REL: variants seen among roughly 807,000 people sequenced by gnomAD.
The protein encoded by REL is REL proto-oncogene, NF-kB subunit.
A neutral mutation model predicts 45.9 loss-of-function variants in REL; 15 were observed. The observed-to-expected ratio is 0.33, with a 90% CI of 0.22 to 0.50. The LOEUF (loss-of-function observed/expected upper bound fraction) is 0.50, where lower values mean the gene tolerates loss of function less well. Ranked by LOEUF, REL falls within the 20% of genes least tolerant of loss-of-function variation. REL has a pLI of 0.98. For synonymous variants in REL, 239 were observed against 242.1 expected (o/e 0.99, Z 0.12); for missense variants, 601 against 715.2 (o/e 0.84, Z 1.82).
At chr2:60,906,833 G>GTA (rs1272693634) in intron 4 of REL, among the ~76,000 whole-genome samples, 102 of 147,148 alleles carry the variant, frequency 6.9e-4, no homozygotes, top group African/African-American at 1.9e-3. Context: ...GTGTGTGTGT[G>GTA]TATATATATA....
chr2:60,900,869 G>A, intron 3 of REL, 123 bp from the exon 4 acceptor site: 1 of 793,748 alleles, frequency 1.3e-6, no homozygotes, highest in Non-Finnish European at 2.0e-6. Flanking sequence ...GCAATTGGAA[G>A]CACGTTCATG....
At chr2:60,892,534 T>C (rs1252617502) in intron 2 of REL, among the ~76,000 whole-genome samples, 1 of 151,992 alleles carries the variant, frequency 6.6e-6, no homozygotes, top group Non-Finnish European at 1.5e-5. Flanking sequence ...GTTCAAGTGA[T>C]TCTCCTGCCT....
chr2:60,909,248 A>G (rs1184266817), intron 4 of REL, among the ~76,000 whole-genome samples: 2 of 152,216 alleles, frequency 1.3e-5, no homozygotes, highest in Non-Finnish European at 2.9e-5. Flanking sequence ...ATAGATACTC[A>G]ATAAGTATGT....
intron 5 of REL, among the ~76,000 whole-genome samples, chr2:60,917,367 TC>T (rs1674003346): frequency 6.6e-6 from 1 of 152,174 alleles, no homozygotes; most frequent in South Asian, 2.1e-4. Flanking sequence ...TTCCTTTTAA[TC>T]ACCTTATTCT....
Position 60,920,497 on chromosome 2 carries a change from G to A in REL, c.923-77G>A, listed in dbSNP as rs552424664. 4.3e-5 allele frequency: 50 copies of A among 1,151,672 alleles called. No individual in the cohort carries two copies. Among genetic ancestry groups the A allele is most frequent in the East Asian group, 1.9e-4 (8 of 42,354 alleles). The allele number at this position is 1,151,672 out of a possible 1,614,324, so 71.3% of individuals were successfully genotyped here. ...ATTACAGGTGGGAGCCACCACGCCC[G>A]GCCAGTTTTTCAGATTTTAACTGAT... On this transcript the variant is annotated intron_variant, in intron 8 of 9. Coordinates refer to ENST00000394479, the MANE Select transcript of REL (RefSeq NM_001291746.2).
chr2:60,900,117 C>T (rs1483356525), intron 3 of REL: 1 of 152,188 alleles, frequency 6.6e-6, no homozygotes, highest in East Asian at 1.9e-4. Context: ...GGCTTAGTCC[C>T]TAGCCTGTTG....
intron 4 of REL, among the ~76,000 whole-genome samples, chr2:60,913,031 A>G (rs1673862242): frequency 6.6e-6 from 1 of 152,202 alleles, no homozygotes; most frequent in Non-Finnish European, 1.5e-5. Flanking sequence ...TGAGGTATAA[A>G]AAGACAAGAC....
intron 7 of REL, among the ~76,000 whole-genome samples, chr2:60,919,717 G>A (rs560220866): frequency 2.6e-5 from 4 of 151,904 alleles, no homozygotes; most frequent in East Asian, 3.9e-4. Flanking sequence ...GAGCCACTGC[G>A]CCTGGCCAAT....
intron 4 of REL, among the ~76,000 whole-genome samples, chr2:60,901,942 G>C (rs542498143): frequency 6.6e-6 from 1 of 152,094 alleles, no homozygotes; most frequent in African/African-American, 2.4e-5. Context: ...GCCTCATGCT[G>C]TAAGTATAAA....
chr2:60,916,009 A>G (rs552088125), intron 4 of REL, among the ~76,000 whole-genome samples: 2 of 152,274 alleles, frequency 1.3e-5, no homozygotes, highest in African/African-American at 2.4e-5. Flanking sequence ...CACATGTACA[A>G]TTTTCTAATA....
At chr2:60,883,908 AC>A (rs1295434705) in intron 1 of REL, among the ~76,000 whole-genome samples, 1 of 150,014 alleles carries the variant, frequency 6.7e-6, no homozygotes, top group East Asian at 1.9e-4. Flanking sequence ...TTAAAATGTA[AC>A]AAGTTATTTA....
chr2:60,898,565 G>A (rs1673418108), intron 3 of REL, among the ~76,000 whole-genome samples: 1 of 152,150 alleles, frequency 6.6e-6, no homozygotes, highest in Non-Finnish European at 1.5e-5. Flanking sequence ...TTTAGCATTT[G>A]TGTATGTGTG....
chr2:60,914,087 C>G (rs1673891742), intron 4 of REL, among the ~76,000 whole-genome samples: 1 of 152,180 alleles, frequency 6.6e-6, no homozygotes, highest in African/African-American at 2.4e-5. Flanking sequence ...ATAGAAGAGG[C>G]ATACATAAAT....
chr2:60,896,418 TTGTC>T (rs575306732), intron 3 of REL, among the ~76,000 whole-genome samples: 102 of 152,324 alleles, frequency 6.7e-4, no homozygotes, highest in African/African-American at 2.3e-3. Context: ...TTAATAGTAG[TTGTC>T]TGGGTGGGTA....
At chr2:60,901,917 C>T (rs1170626339) in intron 4 of REL, among the ~76,000 whole-genome samples, 4 of 151,978 alleles carry the variant, frequency 2.6e-5, no homozygotes, top group Non-Finnish European at 1.5e-5. Flanking sequence ...AGTATTTATA[C>T]TTATGGTACT....
At chr2:60,891,593 T>C in intron 1 of REL, 90 bp from the exon 2 acceptor site, 1 of 1,139,764 alleles carries the variant, frequency 8.8e-7, no homozygotes, top group Non-Finnish European at 1.2e-6. Flanking sequence ...TTTGTTTTAG[T>C]CTGCTGTTAT....
intron 7 of REL, among the ~76,000 whole-genome samples, chr2:60,919,413 T>C (rs1411349129): frequency 2.0e-5 from 3 of 146,934 alleles, no homozygotes; most frequent in Non-Finnish European, 3.0e-5. Flanking sequence ...TTTTGTGGGG[T>C]TTTTTTGTTT....
intron 1 of REL, among the ~76,000 whole-genome samples, chr2:60,886,228 G>A (rs1673069028): frequency 6.6e-6 from 1 of 152,152 alleles, no homozygotes; most frequent in African/African-American, 2.4e-5. Context: ...CATCTCAAGT[G>A]GGGTAAGGAC....
intron 1 of REL, among the ~76,000 whole-genome samples, chr2:60,887,771 A>G (rs1211693434): frequency 1.3e-5 from 2 of 151,532 alleles, no homozygotes; most frequent in Non-Finnish European, 2.9e-5. Context: ...GACTTTAAAT[A>G]CTCAATATTA....
Sources: gnomAD v4.1 joint callset for allele counts (sites outside exome capture counted in the v4.1 genomes callset) on GRCh38, gnomAD v4.1.1 for gene constraint, MANE v1.5 for transcripts, NCBI Gene and HGNC (gene_info 2026-07-23, HGNC 2026-07-21) for gene names.